Variants in BABAM2 observed in about 807,000 individuals in gnomAD.
BABAM2 encodes BRISC and BRCA1 A complex member 2.
In BABAM2, 31 loss-of-function variants were observed where a neutral mutation model predicts 54.7. The observed-to-expected ratio is 0.57, with a 90% CI of 0.43 to 0.77. The LOEUF (loss-of-function observed/expected upper bound fraction) is 0.77, where lower values mean the gene tolerates loss of function less well. Ranked by LOEUF, BABAM2 falls within the 30% of genes least tolerant of loss-of-function variation. BABAM2 has a pLI of 0.00. For synonymous variants in BABAM2, 167 were observed against 162.9 expected (o/e 1.03, Z -0.19); for missense variants, 364 against 455.8 (o/e 0.80, Z 1.83).
At position 28,026,800 on chromosome 2, in the gene BABAM2, TAAAAA is replaced by T. The variant is rs562118587; in HGVS notation, c.495+1382_495+1386del. Among the ~76,000 whole-genome samples, 6 of 91,314 alleles carry T rather than the reference TAAAAA, an allele frequency of 6.6e-5. No homozygotes were observed. The Admixed American group carries it at 8.1e-4, about 12-fold the overall frequency. The allele number at this position is 91,314 out of a possible 152,430, so 59.9% of individuals were successfully genotyped here. A position where few individuals can be genotyped will look rare whatever the true frequency, so the allele number is the denominator to read the frequency against. Reference sequence around the variant, plus strand: ...AAAAAAATATAAATATATATTTATATAAAAAATATATAAATATATATTTATATATA... The same window carrying T: ...AAAAAAATATAAATATATATTTATATATATATAAATATATATTTATATATA... On this transcript the variant is annotated intron_variant, in intron 5 of 11. Transcript: ENST00000379624.
chr2:28,026,823 T>TATATATAA lies in BABAM2; in HGVS notation c.495+1410_495+1411insAATATATA, dbSNP rs1558666948. Among the ~76,000 whole-genome samples the TATATATAA allele has an allele frequency of 3.7e-4, 26 of 70,622 alleles. 1 individual carries two copies. The highest frequency in any genetic ancestry group is 4.6e-4 in the Non-Finnish European group (19 of 41,322). The allele number at this position is 70,622 out of a possible 152,430, so 46.3% of individuals were successfully genotyped here. A position where few individuals can be genotyped will look rare whatever the true frequency, so the allele number is the denominator to read the frequency against. ...TATAAAAAATATATAAATATATATT[T>TATATATAA]ATATATATAAATATATATAAATATA... On this transcript the variant is annotated intron_variant, in intron 5 of 11. Coordinates refer to ENST00000379624, the MANE Select transcript of BABAM2 (RefSeq NM_199191.3).
intron 7 of BABAM2, among the ~76,000 whole-genome samples, chr2:28,132,610 C>T (rs1387208472): frequency 6.6e-6 from 1 of 152,166 alleles, no homozygotes; most frequent in Admixed American, 6.5e-5. Context: ...CTTCCATGTA[C>T]AAGGCCCTTC....
intron 6 of BABAM2, among the ~76,000 whole-genome samples, chr2:28,086,607 T>A (rs1245550119): frequency 6.6e-6 from 1 of 152,202 alleles, no homozygotes; most frequent in Non-Finnish European, 1.5e-5. Context: ...AATATTGAAA[T>A]ATGTTTTCAA....
chr2:28,194,098 A>G (rs1375353007), intron 7 of BABAM2, among the ~76,000 whole-genome samples: 1 of 152,096 alleles, frequency 6.6e-6, no homozygotes, highest in Non-Finnish European at 1.5e-5. Flanking sequence ...GTCAAAGGGA[A>G]CAGCACGTGC....
rs146657235 is a variant in BABAM2 at position 28,323,086 on chromosome 2, C to T, written c.1089-15364C>T. On this transcript the variant is annotated intron_variant, in intron 11 of 11. Transcript: ENST00000379624. ...CCCCCACTCTCATCCAGGGTGAGCA[C>T]GCAGCTCTCTCTGCTCTGGGAGTCA... is the stretch of plus-strand genomic sequence containing the variant. Among the ~76,000 whole-genome samples the T allele has an allele frequency of 4.2e-3, 647 of 152,322 alleles. 5 individuals are homozygous for T. The highest frequency in any genetic ancestry group is 0.02 in the Middle Eastern group (6 of 294).
At chr2:28,332,787 G>A (rs1042132991) in intron 11 of BABAM2, among the ~76,000 whole-genome samples, 1 of 152,196 alleles carries the variant, frequency 6.6e-6, no homozygotes, top group Non-Finnish European at 1.5e-5. Context: ...AGGGCTGGAG[G>A]TGCCTCTGGC....
intron 10 of BABAM2, among the ~76,000 whole-genome samples, chr2:28,296,868 A>G (rs1044640710): frequency 6.6e-5 from 10 of 151,932 alleles, no homozygotes; most frequent in Admixed American, 2.0e-4. Flanking sequence ...TTGTATTTTT[A>G]GTAGAGATGA....
intron 4 of BABAM2, among the ~76,000 whole-genome samples, chr2:28,003,808 T>C (rs1178483481): frequency 6.6e-6 from 1 of 152,082 alleles, no homozygotes; most frequent in Admixed American, 6.6e-5. Context: ...AATATTTGAA[T>C]GTAAAAATGG....
intron 4 of BABAM2, among the ~76,000 whole-genome samples, chr2:28,015,195 CAG>C (rs1674709516): frequency 6.6e-6 from 1 of 152,126 alleles, no homozygotes; most frequent in South Asian, 2.1e-4. Context: ...GTCCACAAAA[CAG>C]ATGTGTGAGG....
intron 6 of BABAM2, among the ~76,000 whole-genome samples, chr2:28,083,110 C>G (rs917219768): frequency 2.6e-5 from 4 of 152,154 alleles, no homozygotes; most frequent in African/African-American, 9.7e-5. Context: ...TGCTCCCCAC[C>G]TTTCCTTTTT....
chr2:28,294,173 G>A (rs916813567), intron 10 of BABAM2, among the ~76,000 whole-genome samples: 105 of 152,186 alleles, frequency 6.9e-4, no homozygotes, highest in African/African-American at 2.5e-3. Flanking sequence ...AAGGTCAGGA[G>A]TTCAAGACCA....
chr2:28,058,141 C>CAA (rs577500237), intron 6 of BABAM2, among the ~76,000 whole-genome samples: 5 of 133,300 alleles, frequency 3.8e-5, no homozygotes, highest in African/African-American at 5.6e-5. Flanking sequence ...GAGACTGTCT[C>CAA]AAAAAAAAAA....
At chr2:28,092,056 G>A (rs1294786069) in intron 6 of BABAM2, among the ~76,000 whole-genome samples, 4 of 151,944 alleles carry the variant, frequency 2.6e-5, no homozygotes, top group Non-Finnish European at 2.9e-5. Context: ...ATTATACCTC[G>A]TGAATGAGCA....
At chr2:28,199,122 T>C (rs72818408) in intron 7 of BABAM2, among the ~76,000 whole-genome samples, 26,472 of 152,240 alleles carry the variant, frequency 0.17, 2,433 homozygotes, top group Middle Eastern at 0.21. Context: ...CTTTTTATAA[T>C]GCAGTGCTAA....
At position 28,322,174 on chromosome 2, in the gene BABAM2, C is replaced by G. The variant is rs758672672; in HGVS notation, c.1089-16276C>G. ...ACCACTGAGACTGGGGCAGAGTAGTCTGGAGTGCTGCATGTAAAGCTAGGC... is the reference window on the plus strand; with the variant it reads ...ACCACTGAGACTGGGGCAGAGTAGTGTGGAGTGCTGCATGTAAAGCTAGGC... On this transcript the variant is annotated intron_variant, in intron 11 of 11. Coordinates refer to ENST00000379624, the MANE Select transcript of BABAM2 (RefSeq NM_199191.3). This position sits in a 1 kb window ranked among gnomAD's most constrained non-coding sequence, Gnocchi z 4.1. Among the ~76,000 whole-genome samples the G allele has an allele frequency of 2.0e-5, 3 of 152,084 alleles. No homozygotes were observed. Among genetic ancestry groups the G allele is most frequent in the Non-Finnish European group, 2.9e-5 (2 of 68,030 alleles).
intron 6 of BABAM2, among the ~76,000 whole-genome samples, chr2:28,115,226 A>AC (rs1668509092): frequency 1.5e-5 from 2 of 133,588 alleles, no homozygotes; most frequent in African/African-American, 5.6e-5. Flanking sequence ...CACACACACA[A>AC]ACCAATCAAA....
At chr2:28,004,872 A>T (rs1220005763) in intron 4 of BABAM2, among the ~76,000 whole-genome samples, 1 of 152,122 alleles carries the variant, frequency 6.6e-6, no homozygotes, top group Non-Finnish European at 1.5e-5. Flanking sequence ...AGACTTATTT[A>T]TTTTAGTAAT....
chr2:28,012,049 G>A (rs972236447), intron 4 of BABAM2, among the ~76,000 whole-genome samples: 1 of 152,176 alleles, frequency 6.6e-6, no homozygotes, highest in African/African-American at 2.4e-5. Context: ...CACTAACAAA[G>A]TGTTTGCTTT....
intron 7 of BABAM2, among the ~76,000 whole-genome samples, chr2:28,231,765 T>C (rs1681408880): frequency 7.0e-6 from 1 of 142,748 alleles, no homozygotes; most frequent in Admixed American, 7.2e-5. Flanking sequence ...CTAACCATTC[T>C]AATGCTTTGA....
Sources: allele counts gnomAD v4.1 joint callset (sites outside exome capture counted in the v4.1 genomes callset), GRCh38; gene constraint gnomAD v4.1.1; non-coding constraint Gnocchi (gnomAD v3.1); transcripts MANE v1.5; gene names NCBI Gene and HGNC (gene_info 2026-07-23, HGNC 2026-07-21).